SYN3: variants seen among roughly 807,000 people sequenced by gnomAD.
SYN3 encodes the protein synapsin III, also known as synapsin-3.
Under a neutral mutation model 65.8 loss-of-function variants are expected in SYN3, and 35 were observed. The ratio of observed to expected loss-of-function variants is 0.53; its 90% confidence interval spans 0.41 to 0.70. The LOEUF (loss-of-function observed/expected upper bound fraction) is 0.70. Among genes scored for constraint, SYN3 ranks in the 30% least tolerant of loss-of-function variants. The probability of loss-of-function intolerance (pLI) is 0.00; values close to 1 mark genes in which losing one functional copy is unlikely to be tolerated. For synonymous variants in SYN3, 270 were observed against 292.9 expected (o/e 0.92, Z 0.80); for missense variants, 680 against 749.0 (o/e 0.91, Z 1.08).
intron 6 of SYN3, among the ~76,000 whole-genome samples, chr22:32,703,914 C>T (rs2060844656): frequency 6.6e-6 from 1 of 152,064 alleles, no homozygotes; most frequent in South Asian, 2.1e-4. Context: ...TACATAATTA[C>T]ACTTAACTAA....
chr22:32,639,586 G>C (rs550472436), intron 6 of SYN3, among the ~76,000 whole-genome samples: 30 of 152,250 alleles, frequency 2.0e-4, no homozygotes, highest in African/African-American at 7.2e-4. Context: ...ATGGAATGTA[G>C]TAGTGTGATC....
At chr22:32,709,528 G>C (rs2060927314) in intron 6 of SYN3, among the ~76,000 whole-genome samples, 3 of 152,128 alleles carry the variant, frequency 2.0e-5, no homozygotes, top group Non-Finnish European at 2.9e-5. Context: ...CATTTCATCA[G>C]GTTTGTTGAA....
At chr22:32,868,886 TG>T in intron 5 of SYN3, 79 bp downstream of exon 5, 1 of 1,431,462 alleles carries the variant, frequency 7.0e-7, no homozygotes. Context: ...GCCTCCATGC[TG>T]GGGAGTGGGC....
intron 7 of SYN3, among the ~76,000 whole-genome samples, chr22:32,550,488 A>C (rs1419134087): frequency 6.6e-6 from 1 of 152,070 alleles, no homozygotes; most frequent in Admixed American, 6.6e-5. Context: ...TAATAATGGT[A>C]TTGCTATTTT....
intron 7 of SYN3, among the ~76,000 whole-genome samples, chr22:32,556,980 A>C (rs1408425553): frequency 6.6e-6 from 1 of 151,970 alleles, no homozygotes; most frequent in Non-Finnish European, 1.5e-5. Flanking sequence ...TACTTTAAAA[A>C]AGTCCACACT....
At chr22:32,880,430 AG>A (rs2049098316) in intron 4 of SYN3, among the ~76,000 whole-genome samples, 1 of 152,294 alleles carries the variant, frequency 6.6e-6, no homozygotes, top group East Asian at 1.9e-4. Context: ...CCTGGTCTAC[AG>A]GGGGGCTCTG....
chr22:32,924,539 GA>G (rs1270777124), intron 4 of SYN3, among the ~76,000 whole-genome samples: 1 of 152,136 alleles, frequency 6.6e-6, no homozygotes, highest in Admixed American at 6.5e-5. Context: ...TGCTCAAACT[GA>G]ACCTGCAAGA....
In SYN3 at chr22:32,808,317, GCACT is replaced by G. The variant is rs201010158; in HGVS notation, c.711+56594_711+56597del. Among the ~76,000 whole-genome samples the G allele has an allele frequency of 8.5e-3, 1,288 of 152,276 alleles. 18 individuals are homozygous for G. Among genetic ancestry groups the G allele is most frequent in the African/African-American group, 0.027 (1,135 of 41,552 alleles). On this transcript the variant is annotated intron_variant, in intron 6 of 13. Coordinates refer to ENST00000358763, the MANE Select transcript of SYN3 (RefSeq NM_003490.4). ...GGCCAGGCTCATGGTGGCAGCAAGGGCACTCACTCATCTGTCTCCCTTCTTGTTG... is the reference window on the plus strand; with the variant it reads ...GGCCAGGCTCATGGTGGCAGCAAGGGCACTCATCTGTCTCCCTTCTTGTTG...
chr22:32,872,343 G>C (rs1448652929), intron 4 of SYN3, among the ~76,000 whole-genome samples: 1 of 152,114 alleles, frequency 6.6e-6, no homozygotes, highest in African/African-American at 2.4e-5. Context: ...GAAAGGGGAG[G>C]GATCACTTTC....
Position 32,932,284 on chromosome 22 carries a change from T to A in SYN3, c.370-803A>T, listed in dbSNP as rs550965705. On this transcript the variant is annotated intron_variant, in intron 3 of 13. Coordinates refer to ENST00000358763, the MANE Select transcript of SYN3 (RefSeq NM_003490.4). ...TTCTTCTCTTGGTAATGGCCCCTCC[T>A]CTTGCTCCATCCATCTGGTTACAGC... Among the ~76,000 whole-genome samples the A allele has an allele frequency of 2.1e-5, 3 of 144,126 alleles. No homozygotes were observed. In the South Asian group the frequency reaches 7.1e-4, roughly 34 times the overall value. The allele number at this position is 144,126 out of a possible 152,430, so 94.6% of individuals were successfully genotyped here. A position where few individuals can be genotyped will look rare whatever the true frequency, so the allele number is the denominator to read the frequency against.
At chr22:32,639,493 C>T (rs1001402145) in intron 6 of SYN3, among the ~76,000 whole-genome samples, 27 of 152,136 alleles carry the variant, frequency 1.8e-4, no homozygotes, top group African/African-American at 6.5e-4. Context: ...GTTTTGGTTA[C>T]GGTAGCCTCT....
At chr22:32,759,569 A>T (rs72487604) in intron 6 of SYN3, among the ~76,000 whole-genome samples, 10,663 of 130,416 alleles carry the variant, frequency 0.082, 580 homozygotes, top group East Asian at 0.23. Flanking sequence ...CCTTGTCTTG[A>T]CAGAGCTGGT....
chr22:32,995,522 A>AC (rs575278171), intron 2 of SYN3, among the ~76,000 whole-genome samples: 15 of 151,706 alleles, frequency 9.9e-5, no homozygotes, highest in African/African-American at 3.4e-4. Context: ...CTCTGAGTTC[A>AC]CCCCCCATCC....
At chr22:32,559,696 C>T (rs1049353982) in intron 7 of SYN3, among the ~76,000 whole-genome samples, 1 of 151,960 alleles carries the variant, frequency 6.6e-6, no homozygotes, top group Non-Finnish European at 1.5e-5. Flanking sequence ...GGCGTGGCGG[C>T]GGGTGGCGCC....
At chr22:32,738,322 T>C (rs577159530) in intron 6 of SYN3, among the ~76,000 whole-genome samples, 1 of 152,322 alleles carries the variant, frequency 6.6e-6, no homozygotes, top group South Asian at 2.1e-4. Context: ...CAAATGCCTG[T>C]TCCCATGAGT....
chr22:32,593,510 A>G (rs1004675607), intron 7 of SYN3, among the ~76,000 whole-genome samples: 2 of 152,144 alleles, frequency 1.3e-5, no homozygotes, highest in African/African-American at 4.8e-5. Flanking sequence ...CCATTTGGAC[A>G]TGGAGGAGGG....
At chr22:32,623,585 C>A (rs978974028) in intron 6 of SYN3, among the ~76,000 whole-genome samples, 1 of 152,206 alleles carries the variant, frequency 6.6e-6, no homozygotes, top group Non-Finnish European at 1.5e-5. Context: ...GGCCTGCAGG[C>A]CTAGCTGGCA....
chr22:32,909,061 G>A (rs1236000057), intron 4 of SYN3, among the ~76,000 whole-genome samples: 4 of 152,080 alleles, frequency 2.6e-5, no homozygotes, highest in African/African-American at 9.7e-5. Flanking sequence ...CATTCATTCA[G>A]TCAACATTTA....
intron 1 of SYN3, among the ~76,000 whole-genome samples, chr22:33,042,024 T>G (rs1601951211): frequency 1.3e-5 from 2 of 152,278 alleles, no homozygotes; most frequent in South Asian, 2.1e-4. Flanking sequence ...GTGATGGTAT[T>G]TAGAGATGAG....
Sources: gnomAD v4.1 joint callset for allele counts (sites outside exome capture counted in the v4.1 genomes callset) on GRCh38, gnomAD v4.1.1 for gene constraint, MANE v1.5 for transcripts, NCBI Gene and HGNC (gene_info 2026-07-23, HGNC 2026-07-21) for gene names.